The following IGFBP2 variants were observed in gnomAD, a reference collection of about 807,000 sequenced individuals.
The protein encoded by IGFBP2 is insulin like growth factor binding protein 2.
IGFBP2 carries 12 observed loss-of-function variants against 26.2 expected under a neutral mutation model. That is an observed-to-expected ratio of 0.46 (90% CI 0.29 to 0.74). The LOEUF (loss-of-function observed/expected upper bound fraction) is 0.74. Among genes scored for constraint, IGFBP2 ranks in the 30% least tolerant of loss-of-function variants. The pLI is 0.09. For missense variants in IGFBP2, 328 were observed against 441.2 expected, an observed-to-expected ratio of 0.74 and a Z score of 2.30; for synonymous variants, 189 against 200.6, an observed-to-expected ratio of 0.94 and a Z score of 0.49.
rs1574571110 is a variant in IGFBP2 at position 216,664,184 on chromosome 2, G to T, written c.*80G>T. The T allele has an allele frequency of 8.1e-7, 1 of 1,235,334 alleles. No individual in the cohort carries two copies. Among genetic ancestry groups the T allele is most frequent in the Non-Finnish European group, 1.1e-6 (1 of 907,710 alleles). The allele number at this position is 1,235,334 out of a possible 1,614,324, so 76.5% of individuals were successfully genotyped here. ...GCAGAAAACGGAGAGTGCTTGGGTGGTGGGTGCTGGAGGATTTTCCAGTTC... is the reference window on the plus strand; with the variant it reads ...GCAGAAAACGGAGAGTGCTTGGGTGTTGGGTGCTGGAGGATTTTCCAGTTC... On this transcript the variant is annotated 3_prime_UTR_variant, in exon 4 of 4. Coordinates refer to ENST00000233809, the MANE Select transcript of IGFBP2 (RefSeq NM_000597.3). This position sits in a 1 kb window ranked among gnomAD's most constrained non-coding sequence, Gnocchi z 4.6.
At chr2:216,649,347 G>A (rs1185862285) in intron 1 of IGFBP2, among the ~76,000 whole-genome samples, 6 of 152,152 alleles carry the variant, frequency 3.9e-5, no homozygotes, top group Admixed American at 2.6e-4. Flanking sequence ...GGATCTGGTT[G>A]CTAATAGTGT....
At position 216,663,959 on chromosome 2, in the gene IGFBP2, G is replaced by C; in HGVS notation, c.833G>C (p.Gly278Ala). ...CCCCAGTGCAAGATGTCTCTGAACGGGCAGCGTGGGGAGTGCTGGTGTGTG... is the reference window on the plus strand; with the variant it reads ...CCCCAGTGCAAGATGTCTCTGAACGCGCAGCGTGGGGAGTGCTGGTGTGTG... ...NLKQCKMSLNGQRGECWCVNP... is the reference protein window; with the variant it reads ...NLKQCKMSLNAQRGECWCVNP... Residue 278 changes from glycine (G) to alanine (A), a missense_variant, in exon 4 of 4, where the codon GGG (glycine) becomes GCG (alanine). Gly to Ala is a moderately conservative substitution (Grantham distance 60). Transcript: ENST00000233809. 1.2e-6 allele frequency: 2 copies of C among 1,614,136 alleles called. No individual in the cohort carries two copies. The highest frequency in any genetic ancestry group is 1.7e-6 in the Non-Finnish European group (2 of 1,180,008).
intron 1 of IGFBP2, chr2:216,659,537 G>T (rs1697989102): frequency 1.6e-6 from 1 of 609,154 alleles, no homozygotes; most frequent in Non-Finnish European, 3.0e-6. Flanking sequence ...GCTTGCTGGG[G>T]CTTGTCTCCT....
chr2:216,636,451 G>A (rs773753464), intron 1 of IGFBP2, among the ~76,000 whole-genome samples: 2 of 151,986 alleles, frequency 1.3e-5, no homozygotes, highest in African/African-American at 2.4e-5. Flanking sequence ...TGGCAAGGAT[G>A]CAGGGGTGGG....
rs1697950085 is a variant in IGFBP2, at chr2:216,657,985, C to T, written c.443-2572C>T. Among the ~76,000 whole-genome samples, 2 of 152,210 alleles carry T rather than the reference C, an allele frequency of 1.3e-5. 1 individual carries two copies. The highest frequency in any genetic ancestry group is 4.2e-4 in the South Asian group (2 of 4,810). ...AATAGGTAGAATTTTAATTCCCTCC[C>T]CTTTTTGATGTCCCAAGATCATCGT... On this transcript the variant is annotated intron_variant, in intron 1 of 3. Coordinates refer to ENST00000233809, the MANE Select transcript of IGFBP2 (RefSeq NM_000597.3).
At chr2:216,662,044 T>C in intron 3 of IGFBP2, 46 bp downstream of exon 3, 2 of 1,603,834 alleles carry the variant, frequency 1.2e-6, no homozygotes, top group Non-Finnish European at 1.7e-6. Flanking sequence ...TCCTCAGCCC[T>C]GGGCCCCAGA....
chr2:216,663,606 C>T, intron 3 of IGFBP2: 1 of 245,640 alleles, frequency 4.1e-6, no homozygotes, highest in Non-Finnish European at 7.9e-6. Flanking sequence ...GCTGGGTCCC[C>T]CCCACTGGAT....
In IGFBP2 at chr2:216,660,776, C is replaced by A. The variant is rs200955784; in HGVS notation, c.662C>A (p.Pro221His). 2.4e-4 allele frequency: 378 copies of A among 1,585,744 alleles called. 1 individual carries two copies. Among genetic ancestry groups the A allele is most frequent in the Non-Finnish European group, 2.9e-4 (343 of 1,166,968 alleles). Reference sequence around the variant, plus strand: ...GAGGAGCCCAAGAAGCTGCGACCACCCCCTGCCAGGGTCAGTGAGGGTCAG... The same window carrying A: ...GAGGAGCCCAAGAAGCTGCGACCACACCCTGCCAGGGTCAGTGAGGGTCAG... ...GLEEPKKLRP[P>H]PARTPCQQEL... The change falls in exon 2 of 4, where the codon CCC (proline) becomes CAC (histidine). Residue 221 changes from proline (P) to histidine (H), a missense_variant. Pro to His is a moderately conservative substitution (Grantham distance 77, BLOSUM62 -2). Transcript: ENST00000233809.
At chr2:216,646,426 T>C (rs1697710483) in intron 1 of IGFBP2, among the ~76,000 whole-genome samples, 1 of 152,212 alleles carries the variant, frequency 6.6e-6, no homozygotes, top group African/African-American at 2.4e-5. Context: ...TCTTGACTCT[T>C]AACCACTCTT....
At position 216,663,947 on chromosome 2, in the gene IGFBP2, T is replaced by C. The variant is rs1166656471; in HGVS notation, c.821T>C (p.Met274Thr). ...CTTCTCCTCTCTCCCCAGTGCAAGA[T>C]GTCTCTGAACGGGCAGCGTGGGGAG... is the stretch of plus-strand genomic sequence containing the variant. Reference protein sequence around the residue: ...HGLYNLKQCKMSLNGQRGECW... With the variant: ...HGLYNLKQCKTSLNGQRGECW... Residue 274 changes from methionine (M) to threonine (T), a missense_variant, in exon 4 of 4, where the codon ATG (methionine) becomes ACG (threonine). Physicochemically the swap from Met to Thr is moderately conservative, Grantham distance 81. Transcript: ENST00000233809. 1.2e-6 allele frequency: 2 copies of C among 1,613,910 alleles called. No homozygotes were observed. Among genetic ancestry groups the C allele is most frequent in the Non-Finnish European group, 1.7e-6 (2 of 1,179,978 alleles).
chr2:216,642,452 G>T (rs1432911918), intron 1 of IGFBP2, among the ~76,000 whole-genome samples: 8 of 148,930 alleles, frequency 5.4e-5, no homozygotes, highest in Non-Finnish European at 1.2e-4. Context: ...GACTACAGGC[G>T]CACGCCGCCA....
At chr2:216,655,959 T>C (rs1697914421) in intron 1 of IGFBP2, among the ~76,000 whole-genome samples, 1 of 152,050 alleles carries the variant, frequency 6.6e-6, no homozygotes, top group Non-Finnish European at 1.5e-5. Flanking sequence ...TGCAAATGTA[T>C]TAATATTATA....
chr2:216,660,102 T>C (rs1290323607), intron 1 of IGFBP2, among the ~76,000 whole-genome samples: 1 of 152,120 alleles, frequency 6.6e-6, no homozygotes, highest in African/African-American at 2.4e-5. Flanking sequence ...CTGGGGGTTA[T>C]AGTGGGAGAA....
intron 1 of IGFBP2, among the ~76,000 whole-genome samples, chr2:216,638,506 AAAAATAAAAT>A (rs1034480598): frequency 1.3e-5 from 2 of 152,096 alleles, no homozygotes; most frequent in African/African-American, 4.8e-5. Flanking sequence ...ACTCCGTCTC[AAAAATAAAAT>A]AAAATAAAAA....
intron 1 of IGFBP2, among the ~76,000 whole-genome samples, chr2:216,659,941 G>T (rs560282402): frequency 6.6e-6 from 1 of 152,216 alleles, no homozygotes; most frequent in Admixed American, 6.5e-5. Flanking sequence ...GACAGCAGGG[G>T]GATGCTGGGA....
chr2:216,647,651 C>T (rs1697736404), intron 1 of IGFBP2, among the ~76,000 whole-genome samples: 1 of 152,068 alleles, frequency 6.6e-6, no homozygotes, highest in Non-Finnish European at 1.5e-5. Flanking sequence ...TCCTGAGTAG[C>T]TGGGACTACA....
At chr2:216,655,343 G>C (rs1026362640) in intron 1 of IGFBP2, among the ~76,000 whole-genome samples, 3 of 152,168 alleles carry the variant, frequency 2.0e-5, no homozygotes, top group Admixed American at 1.3e-4. Flanking sequence ...ACTGAATCAT[G>C]GGGGTGGGTC....
intron 1 of IGFBP2, among the ~76,000 whole-genome samples, chr2:216,640,374 A>G (rs1697587372): frequency 6.6e-6 from 1 of 152,188 alleles, no homozygotes; most frequent in African/African-American, 2.4e-5. Flanking sequence ...TGCTGAAACC[A>G]AGGCATAGAA....
At chr2:216,662,026 G>A (rs916314051) in intron 3 of IGFBP2, 28 bp downstream of exon 3, 5 of 1,612,018 alleles carry the variant, frequency 3.1e-6, no homozygotes, top group Non-Finnish European at 3.4e-6. Flanking sequence ...CTGGGCCAGA[G>A]CAGCTCCTCC....
Sources: gnomAD v4.1 joint callset for allele counts (sites outside exome capture counted in the v4.1 genomes callset) on GRCh38, gnomAD v4.1.1 for gene constraint, Gnocchi (gnomAD v3.1) non-coding constraint, MANE v1.5 for transcripts, NCBI Gene and HGNC (gene_info 2026-07-23, HGNC 2026-07-21) for gene names.